ZMYM5: variants seen among roughly 807,000 people sequenced by gnomAD.
The protein encoded by ZMYM5 is zinc finger MYM-type containing 5.
Under a neutral mutation model 61.8 loss-of-function variants are expected in ZMYM5, and 41 were observed. The observed-to-expected ratio is 0.66, with a 90% CI of 0.52 to 0.86. ZMYM5 has a LOEUF of 0.86. Among genes scored for constraint, ZMYM5 ranks in the 40% least tolerant of loss-of-function variants. The pLI, the probability that ZMYM5 is intolerant of heterozygous loss-of-function variation, is 0.00. For synonymous variants in ZMYM5, 257 were observed against 276.4 expected (o/e 0.93, Z 0.70); for missense variants, 706 against 786.7 (o/e 0.90, Z 1.23).
At chr13:19,832,439 T>C (rs1358873017) in intron 7 of ZMYM5, among the ~76,000 whole-genome samples, 1 of 151,754 alleles carries the variant, frequency 6.6e-6, no homozygotes, top group Non-Finnish European at 1.5e-5. Context: ...TGATTCTCTT[T>C]CCTCAGCCTC....
chr13:19,852,079 T>A lies in ZMYM5; in HGVS notation c.102A>T (p.Ser34=). The change falls in exon 3 of 8, where the codon TCA becomes TCT. Residue 34 remains serine (S), a synonymous_variant. Transcript: ENST00000337963. ...MATSLMDIGD[S]FGHPACPLVS... is the part of the protein sequence containing the mutation. ...CTAAAGGACAAGCTGGATGACCAAA[T>A]GAATCCCCTATGTCCATGAGACTAG... 6.2e-7 allele frequency: 1 copy of A among 1,613,902 alleles called. No homozygotes were observed.
chr13:19,827,707 AAAAACT>A (rs1890980120), intron 7 of ZMYM5, among the ~76,000 whole-genome samples: 1 of 152,090 alleles, frequency 6.6e-6, no homozygotes, highest in Admixed American at 6.6e-5. Context: ...ATTATAATAA[AAAAACT>A]AAAAAGATTT....
At chr13:19,838,075 A>C (rs1386352860) in intron 5 of ZMYM5, among the ~76,000 whole-genome samples, 1 of 152,124 alleles carries the variant, frequency 6.6e-6, no homozygotes, top group African/African-American at 2.4e-5. Context: ...TTTTAGATGC[A>C]TTCAAAAATG....
Position 19,835,674 on chromosome 13 carries a change from T to C in ZMYM5, c.1054A>G (p.Ser352Gly), listed in dbSNP as rs1307536886. The change falls in exon 7 of 8, where the codon AGC becomes GGC. Residue 352 changes from serine to glycine, a missense_variant. Physicochemically the swap from Ser to Gly is moderately conservative, Grantham distance 56. Around this residue, in one of 2 missense-constraint regions of ZMYM5, gnomAD observed 480 missense variants for 461.7 expected, o/e 1.04. Transcript: ENST00000337963. ...SKLAEIRHEV[S>G]VNNVTHKLCS... is the part of the protein sequence containing the mutation. ...AGTTTATGTGTTACATTATTTACGC[T>C]GACTTCATGGCGAATCTAAAAGAAA... The C allele has an allele frequency of 7.3e-7, 1 of 1,367,588 alleles. No individual in the cohort carries two copies. Among genetic ancestry groups the C allele is most frequent in the Admixed American group, 1.9e-5 (1 of 52,566 alleles). 84.7% of individuals were successfully genotyped at this position (1,367,588 alleles called of 1,614,324 possible). A position where few individuals can be genotyped will look rare whatever the true frequency, so the allele number is the denominator to read the frequency against.
intron 2 of ZMYM5, among the ~76,000 whole-genome samples, chr13:19,856,061 C>A (rs1255916221): frequency 6.6e-6 from 1 of 151,416 alleles, no homozygotes; most frequent in Non-Finnish European, 1.5e-5. Flanking sequence ...ACAACAACAA[C>A]AAAACTACTA....
In ZMYM5 at chr13:19,824,612, A is replaced by C; in HGVS notation, c.1875T>G (p.Ser625Arg). 1.5e-6 allele frequency: 2 copies of C among 1,313,372 alleles called. No homozygotes were observed. Among genetic ancestry groups the C allele is most frequent in the South Asian group, 2.5e-5 (2 of 80,192 alleles). 81.4% of individuals were successfully genotyped at this position (1,313,372 alleles called of 1,614,324 possible). A position where few individuals can be genotyped will look rare whatever the true frequency, so the allele number is the denominator to read the frequency against. ...TAACACTATTGTTGACGTGCATTTCACTTTCTTCATGTTTACTAAGAATAT... is the reference window on the plus strand; with the variant it reads ...TAACACTATTGTTGACGTGCATTTCCCTTTCTTCATGTTTACTAAGAATAT... ...LSHILSKHEESEMHVNNSVKY... is the reference protein window; with the variant it reads ...LSHILSKHEEREMHVNNSVKY... Residue 625 changes from serine (S) to arginine (R), a missense_variant, in exon 8 of 8, where the codon AGT becomes AGG. Ser to Arg is a moderately radical substitution (Grantham distance 110). Coordinates refer to ENST00000337963, the MANE Select transcript of ZMYM5 (RefSeq NM_001142684.2).
At position 19,861,071 on chromosome 13, in the gene ZMYM5, C is replaced by T. The variant is rs140773659; in HGVS notation, c.-11+1328G>A. Among the ~76,000 whole-genome samples the T allele has an allele frequency of 1.3e-4, 19 of 151,660 alleles. No homozygotes were observed. The East Asian group carries it at 3.7e-3, about 30-fold the overall frequency. ...AACACAGTTCACTGCAGACTCAACC[C>T]CCTGGGCTCAAACAATCCTCCCAGC... On this transcript the variant is annotated intron_variant, in intron 2 of 7. Coordinates refer to ENST00000337963, the MANE Select transcript of ZMYM5 (RefSeq NM_001142684.2).
chr13:19,859,761 G>A (rs1953660469), intron 2 of ZMYM5, among the ~76,000 whole-genome samples: 1 of 151,738 alleles, frequency 6.6e-6, no homozygotes, highest in Non-Finnish European at 1.5e-5. Flanking sequence ...TGCAATATAT[G>A]TAACACCTAC....
intron 7 of ZMYM5, 121 bp from the exon 8 acceptor site, chr13:19,825,356 C>T (rs1282571580): frequency 4.2e-6 from 4 of 959,504 alleles, no homozygotes; most frequent in Non-Finnish European, 4.0e-6. Context: ...ATCAAAAAGA[C>T]GACGACGGTC....
intron 7 of ZMYM5, among the ~76,000 whole-genome samples, chr13:19,829,212 T>C (rs1458158803): frequency 6.6e-6 from 1 of 152,124 alleles, no homozygotes; most frequent in African/African-American, 2.4e-5. Context: ...CTCTACCCAT[T>C]TCCCCTTTAC....
chr13:19,862,488 A>C (rs1953805616), intron 1 of ZMYM5, 22 bp from the exon 2 acceptor site: 1 of 152,226 alleles, frequency 6.6e-6, no homozygotes, highest in South Asian at 2.1e-4. Context: ...ATTGAAAACC[A>C]ATTTCGGTAC....
intron 7 of ZMYM5, among the ~76,000 whole-genome samples, chr13:19,832,231 AC>A (rs1170988003): frequency 2.0e-5 from 3 of 152,032 alleles, no homozygotes; most frequent in East Asian, 3.9e-4. Flanking sequence ...TGTAATTCTT[AC>A]GCTTTTTGGA....
intron 7 of ZMYM5, 106 bp downstream of exon 7, chr13:19,835,371 G>A (rs552266814): frequency 1.1e-5 from 9 of 806,220 alleles, no homozygotes; most frequent in African/African-American, 9.0e-5. Context: ...ATGACAGAAT[G>A]GCAAAATGGA....
At chr13:19,839,772 A>C (rs952282474) in intron 4 of ZMYM5, among the ~76,000 whole-genome samples, 3 of 152,214 alleles carry the variant, frequency 2.0e-5, no homozygotes, top group Non-Finnish European at 1.5e-5. Flanking sequence ...ACTTACTTTC[A>C]AAATACTTTA....
chr13:19,846,235 G>T (rs1953067147), intron 4 of ZMYM5, among the ~76,000 whole-genome samples: 1 of 152,020 alleles, frequency 6.6e-6, no homozygotes, highest in Non-Finnish European at 1.5e-5. Context: ...TGACAAACTG[G>T]GTAGTATGCA....
chr13:19,857,801 T>G (rs1953565974), intron 2 of ZMYM5, among the ~76,000 whole-genome samples: 1 of 152,110 alleles, frequency 6.6e-6, no homozygotes, highest in African/African-American at 2.4e-5. Context: ...GAGGATAGCT[T>G]GAGCCCAGGA....
chr13:19,835,601 A>G lies in ZMYM5; in HGVS notation c.1127T>C (p.Ile376Thr), dbSNP rs1264078293. The G allele has an allele frequency of 7.3e-7, 1 of 1,367,714 alleles. No homozygotes were observed. 84.7% of individuals were successfully genotyped at this position (1,367,714 alleles called of 1,614,324 possible). ...TCCACAGTGTTCACAGCAGTTCATT[A>G]TTAGACCATTGGCCAATCTGTACTT... The part of the protein sequence containing the change: ...FNKYRLANGL[I>T]MNCCEHCGEY... Residue 376 changes from isoleucine (I) to threonine (T), a missense_variant, in exon 7 of 8, where the codon ATA becomes ACA. This residue lies in a region of ZMYM5 where 480 missense variants were observed against 461.7 expected (regional missense o/e 1.04). Coordinates refer to ENST00000337963, the MANE Select transcript of ZMYM5 (RefSeq NM_001142684.2).
chr13:19,838,051 CAAGTTTTT>C (rs146291731), intron 5 of ZMYM5, among the ~76,000 whole-genome samples: 1,533 of 152,190 alleles, frequency 0.01, 25 homozygotes, highest in African/African-American at 0.035. Context: ...AACCTTGCCA[CAAGTTTTT>C]AAGATTTTTA....
At chr13:19,833,582 T>G (rs112971751) in intron 7 of ZMYM5, among the ~76,000 whole-genome samples, 1 of 152,140 alleles carries the variant, frequency 6.6e-6, no homozygotes, top group Non-Finnish European at 1.5e-5. Flanking sequence ...AACCCACATC[T>G]AACACCATAT....
Sources: allele counts gnomAD v4.1 joint callset (sites outside exome capture counted in the v4.1 genomes callset), GRCh38; gene constraint gnomAD v4.1.1; regional missense constraint gnomAD v4.1.1; transcripts MANE v1.5; gene names NCBI Gene and HGNC (gene_info 2026-07-23, HGNC 2026-07-21).